ZNF69: variants seen among roughly 807,000 people sequenced by gnomAD.
The protein encoded by ZNF69 is ZNF3.
Under a neutral mutation model 50.9 loss-of-function variants are expected in ZNF69, and 47 were observed. The observed-to-expected ratio is 0.92, with a 90% CI of 0.73 to 1.18. The LOEUF (loss-of-function observed/expected upper bound fraction) is 1.18, where lower values mean the gene tolerates loss of function less well. Among genes scored for constraint, ZNF69 ranks in the 50% most tolerant of loss-of-function variants. The pLI is 0.00. For missense variants in ZNF69, 717 were observed against 675.1 expected, an observed-to-expected ratio of 1.06 and a Z score of -0.69; for synonymous variants, 216 against 223.1, an observed-to-expected ratio of 0.97 and a Z score of 0.29.
chr19:11,892,135 ATTT>A (rs4071659), intron 1 of ZNF69, among the ~76,000 whole-genome samples: 97 of 113,914 alleles, frequency 8.5e-4, no homozygotes, highest in African/African-American at 2.8e-3. Context: ...CTCCTGGCTG[ATTT>A]TTTTTTTTTT....
the ZNF69 span, chr19:11,948,322 T>A: frequency 6.2e-7 from 1 of 1,613,772 alleles, no homozygotes; most frequent in Non-Finnish European, 8.5e-7. Context: ...AGACAGTCAT[T>A]GTGGAGAAAC....
the ZNF69 span, chr19:11,977,382 A>G: frequency 6.2e-7 from 1 of 1,613,876 alleles, no homozygotes; most frequent in Middle Eastern, 1.7e-4. Flanking sequence ...GAAAAAGTGG[A>G]AAGACCAGAA....
chr19:11,890,131 TATCTC>T (rs1409392983), intron 1 of ZNF69, among the ~76,000 whole-genome samples: 1 of 152,200 alleles, frequency 6.6e-6, no homozygotes, highest in East Asian at 1.9e-4. Context: ...GCCTTCCTCT[TATCTC>T]AACTGCAAAG....
chr19:11,932,699 G>A, the ZNF69 span, among the ~76,000 whole-genome samples: 139 of 142,674 alleles, frequency 9.7e-4, 1 homozygote, highest in East Asian at 0.024. Flanking sequence ...GTGCAGTGGC[G>A]TGATCTCGGC....
the ZNF69 span, chr19:11,948,348 A>G: frequency 6.2e-7 from 1 of 1,613,992 alleles, no homozygotes. Flanking sequence ...CCCAGGTTCC[A>G]GATGACAGAC....
At chr19:11,947,560 C>T in the ZNF69 span, 7 of 1,613,448 alleles carry the variant, frequency 4.3e-6, no homozygotes, top group Middle Eastern at 6.6e-4. Flanking sequence ...ACCAAAACCC[C>T]AGAAGAAGCT....
chr19:11,933,235 T>C, the ZNF69 span, among the ~76,000 whole-genome samples: 9 of 143,020 alleles, frequency 6.3e-5, no homozygotes, highest in Non-Finnish European at 1.3e-4. Context: ...CTAGGCAACA[T>C]AGCAAGGCCC....
chr19:11,896,085 G>T (rs1977218958), intron 1 of ZNF69, among the ~76,000 whole-genome samples: 1 of 151,772 alleles, frequency 6.6e-6, no homozygotes, highest in South Asian at 2.1e-4. Context: ...CAAGCGTGAT[G>T]GTGCATGGCT....
At chr19:11,927,947 A>G in the ZNF69 span, among the ~76,000 whole-genome samples, 1 of 152,158 alleles carries the variant, frequency 6.6e-6, no homozygotes, top group African/African-American at 2.4e-5. Flanking sequence ...CAAAAGGCAA[A>G]TAAATGTAAC....
chr19:11,976,898 T>A, the ZNF69 span: 2 of 1,523,748 alleles, frequency 1.3e-6, no homozygotes, highest in African/African-American at 1.4e-5. Context: ...TGGAAGAAAG[T>A]ACAGAAAGCG....
chr19:11,921,466 G>T, the ZNF69 span, among the ~76,000 whole-genome samples: 1 of 151,798 alleles, frequency 6.6e-6, no homozygotes, highest in Non-Finnish European at 1.5e-5. Context: ...AATGCTCCCA[G>T]CCCTGAAATG....
chr19:11,954,454 G>A, the ZNF69 span, among the ~76,000 whole-genome samples: 1 of 152,166 alleles, frequency 6.6e-6, no homozygotes, highest in Non-Finnish European at 1.5e-5. Context: ...TTTGTCTCAA[G>A]CAGTCCTCCC....
At chr19:11,978,819 T>C in the ZNF69 span, 1 of 1,614,128 alleles carries the variant, frequency 6.2e-7, no homozygotes, top group Non-Finnish European at 8.5e-7. Context: ...GTGTCATTCC[T>C]TTCAAATACA....
chr19:11,975,352 G>A, the ZNF69 span, among the ~76,000 whole-genome samples: 3 of 151,850 alleles, frequency 2.0e-5, no homozygotes, highest in African/African-American at 4.8e-5. Flanking sequence ...GGGATTACAG[G>A]TGTGAGCCAC....
chr19:11,970,053 T>G, the ZNF69 span, among the ~76,000 whole-genome samples: 4 of 152,162 alleles, frequency 2.6e-5, no homozygotes, highest in Non-Finnish European at 5.9e-5. Context: ...GCTGAATGCC[T>G]TATGGTGGAG....
At chr19:11,889,765 G>A (rs750859157) in intron 1 of ZNF69, among the ~76,000 whole-genome samples, 4 of 152,190 alleles carry the variant, frequency 2.6e-5, no homozygotes, top group Non-Finnish European at 4.4e-5. Context: ...GACCTGCACC[G>A]GCGCTGGTCT....
downstream of ZNF69, among the ~76,000 whole-genome samples, chr19:11,907,072 G>C (rs776453864): frequency 6.6e-6 from 1 of 152,222 alleles, no homozygotes; most frequent in Admixed American, 6.6e-5. Context: ...GGAAGAAAAG[G>C]TATCAGTAAT....
In ZNF69 at chr19:11,900,168, G is replaced by T. The variant is rs189649171; in HGVS notation, c.64-3405G>T. Among the ~76,000 whole-genome samples the T allele has an allele frequency of 2.6e-5, 4 of 152,134 alleles. No homozygotes were observed. The East Asian group carries it at 7.7e-4, about 29-fold the overall frequency. On this transcript the variant is annotated intron_variant, in intron 1 of 3. Transcript: ENST00000429654. The stretch of plus-strand genomic sequence containing the variant: ...AGGGTTTCACCATGTTGTCCAGGCT[G>T]GTCTCAAACTTTTGACCTCAGGTGA...
chr19:11,915,495 C>G (rs1324291221), downstream of ZNF69, among the ~76,000 whole-genome samples: 3 of 152,154 alleles, frequency 2.0e-5, no homozygotes, highest in Admixed American at 6.5e-5. Context: ...AGGAGCACCC[C>G]AAAGAGGACA....
Sources: allele counts gnomAD v4.1 joint callset (sites outside exome capture counted in the v4.1 genomes callset), GRCh38; gene constraint gnomAD v4.1.1; transcripts MANE v1.5; gene names NCBI Gene and HGNC (gene_info 2026-07-23, HGNC 2026-07-21).